The following FAAH2 variants were observed in gnomAD, a reference collection of about 807,000 sequenced individuals.
FAAH2 encodes the protein fatty acid amide hydrolase 2.
In FAAH2, 60 loss-of-function variants were observed where a neutral mutation model predicts 36.9. The ratio of observed to expected loss-of-function variants is 1.63; its 90% CI spans 1.32 to 2.02. FAAH2 has a LOEUF of 2.02. Ranked by LOEUF, FAAH2 falls within the 30% of genes most tolerant of loss-of-function variation. The pLI is 0.00. For missense variants in FAAH2, 689 were observed against 397.5 expected (o/e 1.73, Z -6.23); for synonymous variants, 214 against 143.8 (o/e 1.49, Z -3.49).
chrX:57,179,827 T>A, the FAAH2 span, among the ~76,000 whole-genome samples: 4 of 111,806 alleles, frequency 3.6e-5, no homozygotes, highest in Non-Finnish European at 7.5e-5. Context: ...TTTTTTTCAC[T>A]GCCACATGGC....
rs1279919608 is a variant in FAAH2, at chrX:57,375,360, T to A, written c.743-3291T>A. ...AATCCATCTGGTACTGCACTTTTTT[T>A]TTTTTTTTTTTGTAAATTTTTTATT... On this transcript the variant is annotated intron_variant, in intron 5 of 10. Coordinates refer to ENST00000374900, the MANE Select transcript of FAAH2 (RefSeq NM_174912.4). Among the ~76,000 whole-genome samples, 7 of 107,106 alleles carry A rather than the reference T, an allele frequency of 6.5e-5. No individual in the cohort carries two copies. In the East Asian group the frequency reaches 2.0e-3, roughly 31 times the overall value. 93.0% of individuals were successfully genotyped at this position (107,106 alleles called of 115,157 possible). A position where few individuals can be genotyped will look rare whatever the true frequency, so the allele number is the denominator to read the frequency against.
chrX:57,288,334 A>AATTCTTTTT (rs2051871147), intron 1 of FAAH2, among the ~76,000 whole-genome samples: 1 of 61,176 alleles, frequency 1.6e-5, no homozygotes, highest in Admixed American at 1.8e-4. Flanking sequence ...TCTTAAAAAC[A>AATTCTTTTT]TTTCTTTTTT....
At chrX:57,330,177 G>C (rs1480891848) in intron 3 of FAAH2, among the ~76,000 whole-genome samples, 1 of 112,098 alleles carries the variant, frequency 8.9e-6, no homozygotes, top group African/African-American at 3.2e-5. Context: ...GGGTGGAACA[G>C]AGTCATATTT....
intron 7 of FAAH2, among the ~76,000 whole-genome samples, chrX:57,415,822 G>A (rs567318248): frequency 1.8e-5 from 2 of 110,772 alleles, no homozygotes; most frequent in African/African-American, 6.6e-5. Context: ...ATTGACAGTG[G>A]GGTGTTAAAG....
intron 10 of FAAH2, among the ~76,000 whole-genome samples, chrX:57,477,057 AT>A (rs889060990): frequency 1.3e-4 from 14 of 109,931 alleles, no homozygotes; most frequent in African/African-American, 4.3e-4. Context: ...CGCCTTTATC[AT>A]TTTTTATTAT....
chrX:57,276,858 T>C, the FAAH2 span, among the ~76,000 whole-genome samples: 1 of 111,252 alleles, frequency 9.0e-6, no homozygotes, highest in East Asian at 2.8e-4. Context: ...ACATATACCC[T>C]CCCAAGACAA....
At chrX:57,401,028 C>T (rs913887438) in intron 7 of FAAH2, among the ~76,000 whole-genome samples, 1 of 111,454 alleles carries the variant, frequency 9.0e-6, no homozygotes, top group Non-Finnish European at 1.9e-5. Context: ...GAGGCTGAGG[C>T]AGAAGAATGG....
Position 57,286,874 on chromosome X carries a change from C to T in FAAH2, c.49C>T (p.Leu17=). The change falls in exon 1 of 11, where the codon CTA becomes TTA. Residue 17 remains leucine (L), a synonymous_variant. Transcript: ENST00000374900. The part of the protein sequence containing the change: ...ARIQLFLLRA[L]GFLIGLVGRA... ...CATTCAGTTGTTCCTCTTGCGGGCG[C>T]TAGGCTTTCTCATAGGCTTAGTAGG... 1 of 1,196,207 alleles carries T rather than the reference C, an allele frequency of 8.4e-7. No homozygotes were observed. Among genetic ancestry groups the T allele is most frequent in the South Asian group, 1.8e-5 (1 of 54,087 alleles).
At chrX:57,199,928 A>G in the FAAH2 span, among the ~76,000 whole-genome samples, 1 of 111,259 alleles carries the variant, frequency 9.0e-6, no homozygotes, top group Non-Finnish European at 1.9e-5. Context: ...TTAAGTTTTA[A>G]TTAATATCGA....
intron 7 of FAAH2, among the ~76,000 whole-genome samples, chrX:57,417,775 G>T (rs2055884050): frequency 8.9e-6 from 1 of 112,030 alleles, no homozygotes; most frequent in African/African-American, 3.2e-5. Flanking sequence ...GAGATCTGCT[G>T]CTCTCTTCAG....
At chrX:57,265,040 C>A in the FAAH2 span, among the ~76,000 whole-genome samples, 1 of 111,591 alleles carries the variant, frequency 9.0e-6, no homozygotes, top group Admixed American at 9.5e-5. Context: ...CCTCTCTCAC[C>A]CAGGGAAGTG....
the FAAH2 span, among the ~76,000 whole-genome samples, chrX:57,265,565 C>A: frequency 9.0e-6 from 1 of 111,057 alleles, no homozygotes; most frequent in Non-Finnish European, 1.9e-5. Flanking sequence ...GCTGCTTTAC[C>A]AAAACATGGC....
chrX:57,352,416 C>A (rs781704865), intron 5 of FAAH2, among the ~76,000 whole-genome samples: 1 of 108,216 alleles, frequency 9.2e-6, no homozygotes, highest in African/African-American at 3.3e-5. Flanking sequence ...ACTTATCATG[C>A]CTTCATGGTA....
intron 5 of FAAH2, among the ~76,000 whole-genome samples, chrX:57,373,700 C>T (rs756540542): frequency 4.1e-4 from 46 of 111,533 alleles, no homozygotes; most frequent in African/African-American, 1.5e-3. Flanking sequence ...GTTTCTTTTG[C>T]CATGCAAAAG....
At chrX:57,434,353 G>A (rs1021866391) in intron 8 of FAAH2, among the ~76,000 whole-genome samples, 1 of 109,846 alleles carries the variant, frequency 9.1e-6, no homozygotes, top group African/African-American at 3.3e-5. Flanking sequence ...TGGGATTACA[G>A]GCACGAGCCA....
At chrX:57,256,253 C>G in the FAAH2 span, among the ~76,000 whole-genome samples, 1 of 111,588 alleles carries the variant, frequency 9.0e-6, no homozygotes, top group Non-Finnish European at 1.9e-5. Flanking sequence ...CTATAAACCA[C>G]TCCTCAGGAA....
intron 10 of FAAH2, among the ~76,000 whole-genome samples, chrX:57,476,663 T>C (rs1305130913): frequency 9.0e-6 from 1 of 111,311 alleles, no homozygotes; most frequent in East Asian, 2.8e-4. Context: ...TTGTTGTGTC[T>C]CTTCCAGGTT....
chrX:57,448,671 C>T lies in FAAH2; in HGVS notation c.1376C>T (p.Pro459Leu). 8.3e-7 allele frequency: 1 copy of T among 1,211,453 alleles called. No individual in the cohort carries two copies. Among genetic ancestry groups the T allele is most frequent in the Non-Finnish European group, 1.1e-6 (1 of 895,334 alleles). ...FLYPSHPTVA[P>L]KHHVPLTRPF... ...TATCCCTCACATCCCACAGTGGCAC[C>T]TAAGCATCATGTCCCTCTAACACGG... Residue 459 changes from proline to leucine, a missense_variant, in exon 10 of 11, where the codon CCT (proline) becomes CTT (leucine). By Grantham distance (98) the Pro-to-Leu change is moderately conservative. Transcript: ENST00000374900.
chrX:57,199,950 A>T, the FAAH2 span, among the ~76,000 whole-genome samples: 1 of 110,985 alleles, frequency 9.0e-6, no homozygotes, highest in Admixed American at 9.6e-5. Context: ...TACGTTTTTA[A>T]TTTTTTTATT....
Sources: gnomAD v4.1 joint callset for allele counts (sites outside exome capture counted in the v4.1 genomes callset) on GRCh38, gnomAD v4.1.1 for gene constraint, MANE v1.5 for transcripts, NCBI Gene and HGNC (gene_info 2026-07-23, HGNC 2026-07-21) for gene names.